Variants in CAMK1D observed in about 807,000 individuals in gnomAD.
CAMK1D encodes the protein calcium/calmodulin dependent protein kinase ID, also known as calcium/calmodulin-dependent protein kinase type 1D.
Under a neutral mutation model 47.7 loss-of-function variants are expected in CAMK1D, and 9 were observed. The observed-to-expected ratio is 0.19, with a 90% CI of 0.11 to 0.33. The LOEUF (loss-of-function observed/expected upper bound fraction) is 0.33, where lower values mean the gene tolerates loss of function less well. CAMK1D is among the 10% of genes least tolerant of loss of function. The pLI, the probability that CAMK1D is intolerant of heterozygous loss-of-function variation, is 1.00. For missense variants in CAMK1D, 291 were observed against 488.7 expected, an observed-to-expected ratio of 0.60 and a Z score of 3.81; for synonymous variants, 184 against 184.9, an observed-to-expected ratio of 0.99 and a Z score of 0.04.
chr10:12,351,877 A>G (rs2131827988), intron 1 of CAMK1D, among the ~76,000 whole-genome samples: 1 of 152,326 alleles, frequency 6.6e-6, no homozygotes, highest in East Asian at 1.9e-4. Context: ...AATTCTTTGC[A>G]AAGGAGCTTC....
chr10:12,373,987 C>T (rs1342784131), intron 1 of CAMK1D, among the ~76,000 whole-genome samples: 1 of 141,160 alleles, frequency 7.1e-6, no homozygotes, highest in Non-Finnish European at 1.5e-5. Context: ...AGTCCAGGTG[C>T]AGTGACTCAT....
At chr10:12,462,440 A>G (rs1033829606) in intron 1 of CAMK1D, among the ~76,000 whole-genome samples, 2 of 151,212 alleles carry the variant, frequency 1.3e-5, no homozygotes, top group Non-Finnish European at 2.9e-5. Context: ...CTGGGATTAT[A>G]GGCATGAGCC....
intron 1 of CAMK1D, among the ~76,000 whole-genome samples, chr10:12,456,835 C>T (rs887879030): frequency 1.3e-4 from 20 of 150,512 alleles, no homozygotes; most frequent in Admixed American, 1.2e-3. Context: ...AACAACCCTA[C>T]AGGAGGGGCA....
chr10:12,493,105 T>C (rs1159420488), intron 1 of CAMK1D, among the ~76,000 whole-genome samples: 2 of 152,184 alleles, frequency 1.3e-5, no homozygotes, highest in South Asian at 4.1e-4. Context: ...CTGAGCCAAG[T>C]AGGCAAATCT....
At chr10:12,695,066 A>AGATAGATAGATAGATACCTAGGTAGATT (rs58711322) in intron 3 of CAMK1D, among the ~76,000 whole-genome samples, 30 of 139,626 alleles carry the variant, frequency 2.1e-4, no homozygotes, top group East Asian at 1.0e-3. Context: ...ATAGATAGAT[A>AGATAGATAGATAGATACCTAGGTAGATT]CATAGGTAGA....
At chr10:12,371,249 T>C (rs1004554975) in intron 1 of CAMK1D, among the ~76,000 whole-genome samples, 2 of 152,088 alleles carry the variant, frequency 1.3e-5, no homozygotes, top group African/African-American at 2.4e-5. Flanking sequence ...GCTCCATTCA[T>C]GACTAGTGCC....
At chr10:12,645,678 T>G (rs1399342550) in intron 2 of CAMK1D, among the ~76,000 whole-genome samples, 3 of 152,244 alleles carry the variant, frequency 2.0e-5, no homozygotes, top group Admixed American at 2.0e-4. Flanking sequence ...GAGCTAGCGT[T>G]CCCCAAAACA....
intron 1 of CAMK1D, among the ~76,000 whole-genome samples, chr10:12,362,869 C>T (rs1438031176): frequency 6.6e-6 from 1 of 151,486 alleles, no homozygotes; most frequent in Non-Finnish European, 1.5e-5. Flanking sequence ...TGGTCTCAAT[C>T]TCCTGACCTT....
intron 2 of CAMK1D, among the ~76,000 whole-genome samples, chr10:12,610,079 A>T (rs1838576200): frequency 6.6e-6 from 1 of 152,138 alleles, no homozygotes; most frequent in Admixed American, 6.5e-5. Flanking sequence ...AGAGGTCCTG[A>T]TCTGTAGCTT....
intron 2 of CAMK1D, among the ~76,000 whole-genome samples, chr10:12,576,296 A>C (rs906357501): frequency 6.6e-6 from 1 of 152,154 alleles, no homozygotes. Flanking sequence ...TGAAGGGGGC[A>C]CATAGTTAAC....
chr10:12,742,500 A>G (rs1588875502), intron 3 of CAMK1D, among the ~76,000 whole-genome samples: 1 of 152,330 alleles, frequency 6.6e-6, no homozygotes, highest in Non-Finnish European at 1.5e-5. Context: ...TTTTCAGTAA[A>G]TTGGCCGAGT....
At chr10:12,473,033 G>C (rs1034398658) in intron 1 of CAMK1D, among the ~76,000 whole-genome samples, 2 of 152,140 alleles carry the variant, frequency 1.3e-5, no homozygotes, top group Admixed American at 1.3e-4. Context: ...TGCCTGACCG[G>C]AAGTCAGGAA....
At chr10:12,493,298 T>C (rs971258433) in intron 1 of CAMK1D, among the ~76,000 whole-genome samples, 4 of 152,088 alleles carry the variant, frequency 2.6e-5, no homozygotes, top group African/African-American at 9.7e-5. Context: ...TTTGGGGTGC[T>C]CACAGGGCTC....
chr10:12,711,849 A>G (rs1237731088), intron 3 of CAMK1D, among the ~76,000 whole-genome samples: 2 of 152,240 alleles, frequency 1.3e-5, no homozygotes, highest in African/African-American at 2.4e-5. Context: ...TCGTTTTTCA[A>G]TATGCCATGA....
At chr10:12,709,137 C>T (rs549195250) in intron 3 of CAMK1D, among the ~76,000 whole-genome samples, 23 of 152,096 alleles carry the variant, frequency 1.5e-4, no homozygotes, top group Admixed American at 9.8e-4. Context: ...ATGTGGGGGG[C>T]GGGTGAGAAC....
At chr10:12,813,077 G>A (rs1480217322) in intron 6 of CAMK1D, among the ~76,000 whole-genome samples, 1 of 152,190 alleles carries the variant, frequency 6.6e-6, no homozygotes, top group Non-Finnish European at 1.5e-5. Flanking sequence ...CATTGTGTGT[G>A]TCAGATGCCT....
chr10:12,753,969 C>T (rs1215559734), intron 3 of CAMK1D, among the ~76,000 whole-genome samples: 1 of 152,202 alleles, frequency 6.6e-6, no homozygotes, highest in Non-Finnish European at 1.5e-5. Context: ...TGGCTCACTG[C>T]ATCCTCCACC....
Position 12,803,591 on chromosome 10 carries a change from G to A in CAMK1D, c.642-10604G>A, listed in dbSNP as rs981215747. Among the ~76,000 whole-genome samples, 92 of 152,240 alleles carry A rather than the reference G, an allele frequency of 6.0e-4. 1 individual carries two copies. The highest frequency in any genetic ancestry group is 2.1e-3 in the African/African-American group (88 of 41,550). On this transcript the variant is annotated intron_variant, in intron 6 of 10. Coordinates refer to ENST00000619168, the MANE Select transcript of CAMK1D (RefSeq NM_153498.4). ...AATCACTTGAACCTAGGAGGCAGAG[G>A]TTGCAGTGAGCCGAGATCACGCCAT...
intron 1 of CAMK1D, among the ~76,000 whole-genome samples, chr10:12,492,869 T>A (rs1326182088): frequency 6.6e-6 from 1 of 152,182 alleles, no homozygotes; most frequent in East Asian, 1.9e-4. Context: ...TAGGTGACTG[T>A]CTGTCGTTAC....
Sources: allele counts gnomAD v4.1 joint callset (sites outside exome capture counted in the v4.1 genomes callset), GRCh38; gene constraint gnomAD v4.1.1; transcripts MANE v1.5; gene names NCBI Gene and HGNC (gene_info 2026-07-23, HGNC 2026-07-21).